Variants in RANBP2 observed in about 807,000 individuals in gnomAD.
RANBP2 encodes the protein RAN binding protein 2, also known as E3 SUMO-protein ligase RanBP2.
A neutral mutation model predicts 303.6 loss-of-function variants in RANBP2; 57 were observed. The ratio of observed to expected loss-of-function variants is 0.19; its 90% confidence interval spans 0.15 to 0.23. RANBP2 has a LOEUF of 0.23. Among genes scored for constraint, RANBP2 ranks in the 10% least tolerant of loss-of-function variants. RANBP2 has a pLI of 1.00. For missense variants in RANBP2, 3,138 were observed against 3,780.8 expected (o/e 0.83, Z 4.46); for synonymous variants, 1,167 against 1,301.5 (o/e 0.90, Z 2.23).
the RANBP2 span, among the ~76,000 whole-genome samples, chr2:109,744,423 A>G: frequency 1.0e-5 from 1 of 98,458 alleles, no homozygotes. Context: ...TTTTCTTTTG[A>G]GAAATTTTTT....
the RANBP2 span, among the ~76,000 whole-genome samples, chr2:109,328,176 C>T: frequency 6.6e-6 from 1 of 152,222 alleles, no homozygotes; most frequent in Admixed American, 6.5e-5. Flanking sequence ...CAGTAGTTGC[C>T]TGATATTAGT....
At chr2:108,820,468 T>C in the RANBP2 span, among the ~76,000 whole-genome samples, 2 of 151,996 alleles carry the variant, frequency 1.3e-5, no homozygotes, top group South Asian at 4.2e-4. Context: ...AGGAAAGAAA[T>C]AGGCATACAA....
chr2:108,921,313 C>T, the RANBP2 span, among the ~76,000 whole-genome samples: 152 of 152,308 alleles, frequency 1.0e-3, 2 homozygotes, highest in African/African-American at 3.5e-3. Context: ...CCATTGTCTG[C>T]TGTAGCTCTC....
At chr2:109,678,625 G>C in the RANBP2 span, among the ~76,000 whole-genome samples, 14 of 152,298 alleles carry the variant, frequency 9.2e-5, no homozygotes, top group African/African-American at 3.1e-4. Context: ...CACTGAAAAA[G>C]GCACACATGA....
At chr2:109,441,916 G>A in the RANBP2 span, among the ~76,000 whole-genome samples, 1 of 151,970 alleles carries the variant, frequency 6.6e-6, no homozygotes, top group Admixed American at 6.6e-5. Flanking sequence ...AAATATAGCT[G>A]TCAATCTAGT....
chr2:109,248,821 CTCTT>C, the RANBP2 span, among the ~76,000 whole-genome samples: 2 of 150,316 alleles, frequency 1.3e-5, no homozygotes, highest in Admixed American at 1.3e-4. Context: ...TTCGTTTTCT[CTCTT>C]TCTCTCTTTT....
rs1482625954 is a variant in RANBP2 at position 108,719,572 on chromosome 2, G to T, written c.-35G>T. 3 of 1,588,024 alleles carry T rather than the reference G, an allele frequency of 1.9e-6. No individual in the cohort carries two copies. Among genetic ancestry groups the T allele is most frequent in the Non-Finnish European group, 2.6e-6 (3 of 1,169,114 alleles). On this transcript the variant is annotated 5_prime_UTR_variant, in exon 1 of 29. Transcript: ENST00000283195. Reference sequence around the variant, plus strand: ...GCGACTGCTGCGGGCCTGAGCGCTGGTCTCACGCGCCTCGGGAGCCAGGTT... The same window carrying T: ...GCGACTGCTGCGGGCCTGAGCGCTGTTCTCACGCGCCTCGGGAGCCAGGTT...
intron 1 of RANBP2, among the ~76,000 whole-genome samples, chr2:108,725,256 C>G (rs1329588237): frequency 2.6e-5 from 4 of 152,304 alleles, no homozygotes; most frequent in South Asian, 2.1e-4. Flanking sequence ...AGCTGTGTAT[C>G]TTTAAACAAG....
At chr2:108,850,550 C>G in the RANBP2 span, among the ~76,000 whole-genome samples, 1 of 152,134 alleles carries the variant, frequency 6.6e-6, no homozygotes, top group African/African-American at 2.4e-5. Context: ...TTCCCAGGTT[C>G]AAGCGATTCT....
chr2:108,862,195 T>TAA, the RANBP2 span, among the ~76,000 whole-genome samples: 1 of 147,056 alleles, frequency 6.8e-6, no homozygotes. Flanking sequence ...CCATGCCACT[T>TAA]AAAAAAAAAA....
In RANBP2 at chr2:108,739,986, T is replaced by G. The variant is rs544558018; in HGVS notation, c.783-503T>G. On this transcript the variant is annotated intron_variant, in intron 6 of 28. Transcript: ENST00000283195. ...CCAGGCGATAGTGAGAGACTCCGTC[T>G]CAAAAAAAAAAAAGGCAGACTATTT... Among the ~76,000 whole-genome samples the G allele has an allele frequency of 4.8e-5, 7 of 146,348 alleles. No individual in the cohort carries two copies. In the South Asian group the frequency reaches 1.5e-3, roughly 31 times the overall value.
chr2:109,251,028 G>A, the RANBP2 span, among the ~76,000 whole-genome samples: 1 of 151,062 alleles, frequency 6.6e-6, no homozygotes, highest in Non-Finnish European at 1.5e-5. Context: ...TTGAGATTGA[G>A]TCTCACTCTG....
the RANBP2 span, among the ~76,000 whole-genome samples, chr2:109,650,351 C>T: frequency 6.6e-6 from 1 of 152,174 alleles, no homozygotes; most frequent in Admixed American, 6.5e-5. Flanking sequence ...GGCAGAAAGA[C>T]AAAAAGTGGA....
At chr2:109,623,691 G>A in the RANBP2 span, among the ~76,000 whole-genome samples, 1 of 152,348 alleles carries the variant, frequency 6.6e-6, no homozygotes, top group South Asian at 2.1e-4. Context: ...GTGCACCCAG[G>A]TGGGTGCTGT....
chr2:109,545,965 A>G, the RANBP2 span: 4 of 1,488,546 alleles, frequency 2.7e-6, no homozygotes, highest in Non-Finnish European at 1.8e-6. Flanking sequence ...ATAAGGAAGC[A>G]GAAGTAAGAA....
At chr2:109,599,174 G>A in the RANBP2 span, among the ~76,000 whole-genome samples, 7 of 152,038 alleles carry the variant, frequency 4.6e-5, no homozygotes, top group East Asian at 1.4e-3. Context: ...AACTCAAGTG[G>A]AGGCCGGGCG....
chr2:108,719,857 G>C (rs1423641889), intron 1 of RANBP2, among the ~76,000 whole-genome samples, 179 bp downstream of exon 1: 1 of 152,304 alleles, frequency 6.6e-6, no homozygotes. Context: ...GTCCTGGGGG[G>C]ACAGCGGTGG....
intron 23 of RANBP2, 118 bp downstream of exon 23, chr2:108,773,164 C>T: frequency 8.9e-7 from 1 of 1,124,330 alleles, no homozygotes; most frequent in Non-Finnish European, 1.3e-6. Context: ...GTTGCCCAGG[C>T]TGGAGTGCAA....
rs1676485023 is a variant in RANBP2 at position 108,758,436 on chromosome 2, A to G, written c.2490A>G (p.Leu830=). 1 of 1,611,826 alleles carries G rather than the reference A, an allele frequency of 6.2e-7. No homozygotes were observed. Among genetic ancestry groups the G allele is most frequent in the Non-Finnish European group, 8.5e-7 (1 of 1,179,848 alleles). ...AGAAAGAAATGCAGGAGTTGAAACT[A>G]AATAGCAGTAACTCAGCATCCCCTC... ...AIKKEMQELK[L]NSSNSASPHR... is the part of the protein sequence containing the mutation. Residue 830 remains leucine, a synonymous_variant, in exon 18 of 29, where the codon CTA becomes CTG. Coordinates refer to ENST00000283195, the MANE Select transcript of RANBP2 (RefSeq NM_006267.5).
Sources: allele counts gnomAD v4.1 joint callset (sites outside exome capture counted in the v4.1 genomes callset), GRCh38; gene constraint gnomAD v4.1.1; transcripts MANE v1.5; gene names NCBI Gene and HGNC (gene_info 2026-07-23, HGNC 2026-07-21).